The following PDE4D variants were observed in gnomAD, a reference collection of about 807,000 sequenced individuals.
PDE4D encodes 3',5'-cyclic-AMP phosphodiesterase 4D.
Under a neutral mutation model 87.4 loss-of-function variants are expected in PDE4D, and 24 were observed. The ratio of observed to expected loss-of-function variants is 0.27; its 90% confidence interval spans 0.20 to 0.39. PDE4D has a LOEUF of 0.39. PDE4D is among the 10% of genes least tolerant of loss of function. The pLI is 1.00. For missense variants in PDE4D, 714 were observed against 1,041.0 expected, an observed-to-expected ratio of 0.69 and a Z score of 4.32; for synonymous variants, 384 against 383.2, an observed-to-expected ratio of 1.00 and a Z score of -0.02.
chr5:59,762,449 CAT>C (rs373539722), intron 1 of PDE4D, among the ~76,000 whole-genome samples: 1,124 of 78,538 alleles, frequency 0.014, 2 homozygotes, highest in South Asian at 0.018. Flanking sequence ...TATGGGTACA[CAT>C]ATGTGTATAT....
intron 3 of PDE4D, among the ~76,000 whole-genome samples, chr5:59,934,108 A>C (rs1756295380): frequency 2.0e-5 from 3 of 152,012 alleles, no homozygotes; most frequent in Admixed American, 2.0e-4. Flanking sequence ...CCCAGCCTCC[A>C]GGCACTGGCC....
rs140214094 is a variant in PDE4D, at chr5:60,128,555, G to C, written c.42+57002C>G. On this transcript the variant is annotated intron_variant, in intron 2 of 16. Transcript: ENST00000502484. ...AGGAAAATGAAGCCACAGGTGCATA[G>C]GAAGAAACCCAGGTGTCTGGGTGAC... Among the ~76,000 whole-genome samples, 667 of 152,340 alleles carry C rather than the reference G, an allele frequency of 4.4e-3. 15 individuals are homozygous for C. The highest frequency in any genetic ancestry group is 0.04 in the Admixed American group (618 of 15,296).
chr5:60,393,963 T>A (rs966396455), intron 1 of PDE4D, among the ~76,000 whole-genome samples: 4 of 152,242 alleles, frequency 2.6e-5, no homozygotes, highest in African/African-American at 9.6e-5. Context: ...ATCTACAGAT[T>A]TACCTAAATT....
chr5:59,186,156 TA>T (rs1382906537), intron 3 of PDE4D, among the ~76,000 whole-genome samples: 8 of 152,190 alleles, frequency 5.3e-5, no homozygotes, highest in Non-Finnish European at 1.0e-4. Context: ...GCTAGAGTGC[TA>T]AGTTTATGTA....
chr5:59,333,576 G>A (rs1305580485), intron 1 of PDE4D, among the ~76,000 whole-genome samples: 2 of 152,120 alleles, frequency 1.3e-5, no homozygotes, highest in Non-Finnish European at 2.9e-5. Context: ...AATCCAGGAA[G>A]CTTAGTGTGT....
At position 59,893,213 on chromosome 5, in the gene PDE4D, T is replaced by C; in HGVS notation, c.410A>G (p.Lys137Arg). The change falls in exon 1 of 15, where the codon AAG becomes AGG. Residue 137 changes from lysine to arginine, a missense_variant. Physicochemically the swap from Lys to Arg is conservative, Grantham distance 26. This residue lies in a region of PDE4D where 268 missense variants were observed against 272.9 expected (regional missense o/e 0.98). Transcript: ENST00000340635. ...GGAGGGCCAGGACATCCTGGATTTC[T>C]TCAGGCCGGGCCGGTGGCCGGTCTC... ...AVETGHRPGL[K>R]KSRMSWPSSF... The C allele has an allele frequency of 6.4e-7, 1 of 1,564,180 alleles. No individual in the cohort carries two copies. Among genetic ancestry groups the C allele is most frequent in the Non-Finnish European group, 8.7e-7 (1 of 1,153,986 alleles).
chr5:59,174,071 T>C (rs1251872564), intron 5 of PDE4D, among the ~76,000 whole-genome samples: 1 of 152,208 alleles, frequency 6.6e-6, no homozygotes, highest in Non-Finnish European at 1.5e-5. Flanking sequence ...AAGCATTAAG[T>C]GATTAGCCCA....
rs1424760346 is a variant in PDE4D, at chr5:59,477,343, T to TA, written c.456-261376dup. ...CAATGTGCACATGTACCCTAAAACT[T>TA]AGAGTATAATAAAAAAAAAAAAAAA... On this transcript the variant is annotated intron_variant, in intron 1 of 14. Coordinates refer to ENST00000340635, the MANE Select transcript of PDE4D (RefSeq NM_001104631.2). Among the ~76,000 whole-genome samples, 8 of 126,098 alleles carry TA rather than the reference T, an allele frequency of 6.3e-5. No homozygotes were observed. The Admixed American group carries it at 6.5e-4, about 10-fold the overall frequency. 82.7% of individuals were successfully genotyped at this position (126,098 alleles called of 152,430 possible).
chr5:60,291,321 A>G (rs1752872751), intron 1 of PDE4D, among the ~76,000 whole-genome samples: 1 of 152,180 alleles, frequency 6.6e-6, no homozygotes, highest in Non-Finnish European at 1.5e-5. Context: ...ATATCAAACT[A>G]TGAATGTTAT....
At chr5:59,518,828 C>A (rs1450083923) in intron 1 of PDE4D, among the ~76,000 whole-genome samples, 3 of 152,112 alleles carry the variant, frequency 2.0e-5, no homozygotes, top group Non-Finnish European at 4.4e-5. Flanking sequence ...AATAAAATGT[C>A]TTCATTTAAA....
intron 1 of PDE4D, among the ~76,000 whole-genome samples, chr5:60,376,505 T>C (rs1761446670): frequency 6.6e-6 from 1 of 152,116 alleles, no homozygotes; most frequent in African/African-American, 2.4e-5. Flanking sequence ...ATCCCACACT[T>C]CAATCTACTA....
intron 5 of PDE4D, among the ~76,000 whole-genome samples, chr5:59,056,471 T>C (rs1333679560): frequency 6.6e-6 from 1 of 152,156 alleles, no homozygotes; most frequent in Non-Finnish European, 1.5e-5. Context: ...CTGGGATACA[T>C]GTGCAGAACG....
chr5:60,431,665 C>G (rs548574909), intron 1 of PDE4D, among the ~76,000 whole-genome samples: 1 of 151,964 alleles, frequency 6.6e-6, no homozygotes, highest in Non-Finnish European at 1.5e-5. Flanking sequence ...ACTTCCCAGA[C>G]GGGGTGGCAG....
At chr5:60,512,640 A>G (rs758161066) in intron 1 of PDE4D, among the ~76,000 whole-genome samples, 6 of 152,228 alleles carry the variant, frequency 3.9e-5, no homozygotes, top group Admixed American at 1.3e-4. Context: ...TGCCTAAGGA[A>G]AAGGAAATTC....
chr5:60,241,271 C>CTCT (rs1554191118), intron 1 of PDE4D, among the ~76,000 whole-genome samples: 2 of 96,980 alleles, frequency 2.1e-5, no homozygotes, highest in East Asian at 3.4e-4. Context: ...CTCTCTCTCT[C>CTCT]TTTTTTTTTT....
At chr5:59,079,532 A>C (rs936628203) in intron 5 of PDE4D, among the ~76,000 whole-genome samples, 3 of 152,066 alleles carry the variant, frequency 2.0e-5, no homozygotes, top group Admixed American at 2.0e-4. Context: ...TCCTATAAAG[A>C]GATAGCACTA....
chr5:60,098,839 C>T (rs1289898694), intron 2 of PDE4D, among the ~76,000 whole-genome samples: 1 of 151,986 alleles, frequency 6.6e-6, no homozygotes, highest in African/African-American at 2.4e-5. Flanking sequence ...ACTCCCTTGT[C>T]TTCTTGCTGA....
At chr5:60,142,897 T>C (rs1441287291) in intron 2 of PDE4D, among the ~76,000 whole-genome samples, 1 of 152,128 alleles carries the variant, frequency 6.6e-6, no homozygotes, top group Non-Finnish European at 1.5e-5. Context: ...GCCACAAAAA[T>C]GGACAAATGA....
At chr5:59,951,393 T>C (rs557764633) in intron 3 of PDE4D, among the ~76,000 whole-genome samples, 23 of 152,304 alleles carry the variant, frequency 1.5e-4, no homozygotes, top group African/African-American at 4.8e-4. Flanking sequence ...ATATGGACAG[T>C]TAAAAATCCA....
Sources: gnomAD v4.1 joint callset for allele counts (sites outside exome capture counted in the v4.1 genomes callset) on GRCh38, gnomAD v4.1.1 for gene constraint, gnomAD v4.1.1 regional missense constraint, MANE v1.5 for transcripts, NCBI Gene and HGNC (gene_info 2026-07-23, HGNC 2026-07-21) for gene names.